AGAP6: variants seen among roughly 807,000 people sequenced by gnomAD.
The protein encoded by AGAP6 is ArfGAP with GTPase domain, ankyrin repeat and PH domain 6, also known as arf-GAP with GTPase, ANK repeat and PH domain-containing protein 6.
In AGAP6, 29 loss-of-function variants were observed where a neutral mutation model predicts 63.9. The ratio of observed to expected loss-of-function variants is 0.45; its 90% CI spans 0.34 to 0.62. AGAP6 has a LOEUF of 0.62. Ranked by LOEUF, AGAP6 falls within the 20% of genes least tolerant of loss-of-function variation. AGAP6 has a pLI of 0.01. For synonymous variants in AGAP6, 199 were observed against 332.9 expected, an observed-to-expected ratio of 0.60 and a Z score of 4.38; for missense variants, 493 against 884.9, an observed-to-expected ratio of 0.56 and a Z score of 5.62.
intron 4 of AGAP6, among the ~76,000 whole-genome samples, chr10:49,996,436 A>G (rs1488137424): frequency 1.3e-5 from 2 of 151,664 alleles, no homozygotes; most frequent in African/African-American, 4.9e-5. Flanking sequence ...CATTTGGGAG[A>G]CCTCAGTGTA....
rs1316128396 is a variant in AGAP6, at chr10:50,007,878, T to C, written c.534-147T>C. 1.6e-5 allele frequency: 24 copies of C among 1,467,594 alleles called. No homozygotes were observed. The African/African-American group carries it at 3.1e-4, about 19-fold the overall frequency. The allele number at this position is 1,467,594 out of a possible 1,614,324, so 90.9% of individuals were successfully genotyped here. On this transcript the variant is annotated intron_variant, in intron 6 of 7. Coordinates refer to ENST00000412531, the MANE Select transcript of AGAP6 (RefSeq NM_001077665.3). ...TGAGAAAGAAGAAGTCAGGAAACCCTCTGCAAGTCAGGATCCAATAGAAGA... is the reference window on the plus strand; with the variant it reads ...TGAGAAAGAAGAAGTCAGGAAACCCCCTGCAAGTCAGGATCCAATAGAAGA...
Position 50,001,910 on chromosome 10 carries a change from A to G in AGAP6, c.397-86A>G, listed in dbSNP as rs572132771. ...TCAGGCAGTTCATGGAGTGTAAGAC[A>G]TATCTTAGTGCTTTGTCATTTGACA... On this transcript the variant is annotated intron_variant, in intron 4 of 7. Coordinates refer to ENST00000412531, the MANE Select transcript of AGAP6 (RefSeq NM_001077665.3). 9.7e-6 allele frequency: 13 copies of G among 1,340,814 alleles called. No homozygotes were observed. The Middle Eastern group carries it at 7.7e-4, about 79-fold the overall frequency. 83.1% of individuals were successfully genotyped at this position (1,340,814 alleles called of 1,614,324 possible). A position where few individuals can be genotyped will look rare whatever the true frequency, so the allele number is the denominator to read the frequency against.
At position 49,999,107 on chromosome 10, in the gene AGAP6, G is replaced by A. The variant is rs1161429456; in HGVS notation, c.397-2889G>A. Reference sequence around the variant, plus strand: ...ACAAAAGTTAGCCGGGTGTGGTGGCGCTCACCTGTAATCCCATCTACTCAG... The same window carrying A: ...ACAAAAGTTAGCCGGGTGTGGTGGCACTCACCTGTAATCCCATCTACTCAG... On this transcript the variant is annotated intron_variant, in intron 4 of 7. Coordinates refer to ENST00000412531, the MANE Select transcript of AGAP6 (RefSeq NM_001077665.3). Among the ~76,000 whole-genome samples the A allele has an allele frequency of 3.7e-5, 5 of 136,250 alleles. 1 individual carries two copies. The highest frequency in any genetic ancestry group is 8.5e-5 in the African/African-American group (3 of 35,250). 89.4% of individuals were successfully genotyped at this position (136,250 alleles called of 152,430 possible).
intron 4 of AGAP6, among the ~76,000 whole-genome samples, chr10:49,996,756 T>C (rs1198501820): frequency 9.3e-4 from 141 of 151,318 alleles, no homozygotes; most frequent in South Asian, 4.2e-3. Flanking sequence ...TTTTTTTTTT[T>C]CACATTTTAC....
At chr10:49,999,234 C>A in intron 4 of AGAP6, among the ~76,000 whole-genome samples, 1 of 133,316 alleles carries the variant, frequency 7.5e-6, no homozygotes, top group African/African-American at 2.9e-5. Context: ...AGCGAGACTC[C>A]ATCTCAAAAA....
chr10:49,996,298 T>C (rs1841483786), intron 4 of AGAP6, among the ~76,000 whole-genome samples: 1 of 152,188 alleles, frequency 6.6e-6, no homozygotes, highest in South Asian at 2.1e-4. Context: ...CTTTTTTCTA[T>C]TGTTTTGATC....
In AGAP6 at chr10:49,989,089, T is replaced by G. The variant is rs368025963; in HGVS notation, c.223+151T>G. 6 of 1,506,530 alleles carry G rather than the reference T, an allele frequency of 4.0e-6. No homozygotes were observed. In the East Asian group the frequency reaches 1.5e-4, roughly 37 times the overall value. The allele number at this position is 1,506,530 out of a possible 1,614,324, so 93.3% of individuals were successfully genotyped here. A position where few individuals can be genotyped will look rare whatever the true frequency, so the allele number is the denominator to read the frequency against. The stretch of plus-strand genomic sequence containing the variant: ...GCCAGGAACAAAAGCTGGCTCTGCC[T>G]TGAATTCCCACCCCTTAGTCTTTCC... On this transcript the variant is annotated intron_variant, in intron 1 of 7. Coordinates refer to ENST00000412531, the MANE Select transcript of AGAP6 (RefSeq NM_001077665.3).
At chr10:50,001,369 C>T (rs1361385372) in intron 4 of AGAP6, among the ~76,000 whole-genome samples, 3 of 145,296 alleles carry the variant, frequency 2.1e-5, no homozygotes, top group East Asian at 2.0e-4. Flanking sequence ...TAGAAATTCT[C>T]AGCTGCTTTT....
At chr10:50,005,802 C>T (rs1202357817) in intron 6 of AGAP6, among the ~76,000 whole-genome samples, 1 of 149,110 alleles carries the variant, frequency 6.7e-6, no homozygotes, top group Non-Finnish European at 1.5e-5. Context: ...TGCCTGTAGT[C>T]CCAGTTACTT....
intron 2 of AGAP6, among the ~76,000 whole-genome samples, chr10:49,989,778 G>A (rs1841196750): frequency 6.6e-6 from 1 of 152,216 alleles, no homozygotes. Context: ...AAGTAATTGT[G>A]AAAGGTGTAA....
rs547518332 is a variant in AGAP6 at position 49,991,606 on chromosome 10, C to T, written c.293-70C>T. On this transcript the variant is annotated intron_variant, in intron 2 of 7. Coordinates refer to ENST00000412531, the MANE Select transcript of AGAP6 (RefSeq NM_001077665.3). ...AGTGAAATAGCCTAAATGCAGCAGT[C>T]GAATAAACGAGTTGATAAATTTTTA... 3.2e-4 allele frequency: 504 copies of T among 1,586,044 alleles called. 6 individuals carry two copies. In the South Asian group the frequency reaches 5.3e-3, roughly 17 times the overall value.
At chr10:49,992,489 T>A (rs1841320269) in intron 3 of AGAP6, among the ~76,000 whole-genome samples, 1 of 152,194 alleles carries the variant, frequency 6.6e-6, no homozygotes, top group Non-Finnish European at 1.5e-5. Context: ...TTTTATAGTT[T>A]GAGTAGACTT....
At position 50,002,045 on chromosome 10, in the gene AGAP6, T is replaced by C. The variant is rs563431683; in HGVS notation, c.446T>C (p.Phe149Ser). 4.7e-5 allele frequency: 75 copies of C among 1,612,436 alleles called. No homozygotes were observed. Among genetic ancestry groups the C allele is most frequent in the Admixed American group, 6.7e-5 (4 of 59,984 alleles). ...CAATACAGCTTGTGTTCGACAATATTCCTTGATGACAGCACAGCCATCCAG... is the reference window on the plus strand; with the variant it reads ...CAATACAGCTTGTGTTCGACAATATCCCTTGATGACAGCACAGCCATCCAG... The part of the protein sequence containing the change: ...SQQYSLCSTI[F>S]LDDSTAIQHY... Residue 149 changes from phenylalanine (F) to serine (S), a missense_variant, in exon 5 of 8, where the codon TTC (phenylalanine) becomes TCC (serine). Transcript: ENST00000412531.
At chr10:50,004,836 C>G (rs1489639595) in intron 6 of AGAP6, 116 bp downstream of exon 6, 1 of 695,090 alleles carries the variant, frequency 1.4e-6, no homozygotes, top group African/African-American at 1.8e-5. Context: ...ACTAAAATAT[C>G]GAAGCAAATT....
chr10:49,994,740 A>G (rs1212093509), intron 4 of AGAP6, among the ~76,000 whole-genome samples: 6 of 152,158 alleles, frequency 3.9e-5, no homozygotes, highest in African/African-American at 1.4e-4. Context: ...AGGCAGGCTG[A>G]TCATCTGAGG....
intron 6 of AGAP6, among the ~76,000 whole-genome samples, chr10:50,006,500 T>G (rs1222657085): frequency 6.6e-6 from 1 of 152,198 alleles, no homozygotes; most frequent in Non-Finnish European, 1.5e-5. Flanking sequence ...TCAGGCTCCT[T>G]TGTAGCTGGG....
At chr10:50,007,466 C>T (rs1841955491) in intron 6 of AGAP6, among the ~76,000 whole-genome samples, 4 of 118,746 alleles carry the variant, frequency 3.4e-5, no homozygotes, top group South Asian at 3.3e-4. Context: ...TTCGGGATCC[C>T]GAGAGGTCCA....
At chr10:49,996,954 G>C (rs1294865362) in intron 4 of AGAP6, among the ~76,000 whole-genome samples, 2 of 145,932 alleles carry the variant, frequency 1.4e-5, no homozygotes, top group African/African-American at 5.1e-5. Context: ...TCAACCTTCT[G>C]TGCTGGTCAT....
At chr10:50,008,241 TGTTTA>T (rs1348356123) in intron 7 of AGAP6, among the ~76,000 whole-genome samples, 165 bp downstream of exon 7, 6 of 151,938 alleles carry the variant, frequency 3.9e-5, no homozygotes, top group Admixed American at 2.0e-4. Context: ...TCTGCAGCTC[TGTTTA>T]GTTAGTGAGC....
Sources: allele counts gnomAD v4.1 joint callset (sites outside exome capture counted in the v4.1 genomes callset), GRCh38; gene constraint gnomAD v4.1.1; transcripts MANE v1.5; gene names NCBI Gene and HGNC (gene_info 2026-07-23, HGNC 2026-07-21).